The following MYH16 variants were observed in gnomAD, a reference collection of about 807,000 sequenced individuals.
MYH16 encodes putative uncharacterized protein MYH16.
chr7:99,253,560 C>G (rs929265171), intron 7 of MYH16: 1 of 151,888 alleles, frequency 6.6e-6, no homozygotes, highest in Admixed American at 6.6e-5. Context: ...GGACTCCCCC[C>G]GTGGCAGTCA....
intron 19 of MYH16, among the ~76,000 whole-genome samples, chr7:99,272,970 G>T (rs1280864460): frequency 6.6e-6 from 1 of 152,218 alleles, no homozygotes; most frequent in Non-Finnish European, 1.5e-5. Flanking sequence ...GAGTGAAGCT[G>T]CAGGGAACAA....
chr7:99,283,111 G>C (rs144825874), intron 23 of MYH16, among the ~76,000 whole-genome samples: 1 of 152,202 alleles, frequency 6.6e-6, no homozygotes, highest in African/African-American at 2.4e-5. Context: ...ATGCCCCCTG[G>C]GGAACCAGAG....
intron 32 of MYH16, among the ~76,000 whole-genome samples, chr7:99,293,737 T>G (rs1792427083): frequency 6.6e-6 from 1 of 152,204 alleles, no homozygotes. Flanking sequence ...GAACAAACAT[T>G]TCGTTTGTTA....
intron 21 of MYH16, among the ~76,000 whole-genome samples, chr7:99,277,993 G>C (rs1390369285): frequency 6.6e-6 from 1 of 151,426 alleles, no homozygotes; most frequent in Non-Finnish European, 1.5e-5. Flanking sequence ...TGGTCTTGCT[G>C]TGTTGCCCAG....
intron 31 of MYH16, 27 bp from the exon 13 acceptor site, chr7:99,292,285 G>A (rs1273513636): frequency 8.9e-6 from 4 of 450,636 alleles, no homozygotes; most frequent in Non-Finnish European, 1.3e-5. Context: ...AAGCCCCCAC[G>A]GGCGCCTGAC....
intron 33 of MYH16, 150 bp from the exon 15 acceptor site, chr7:99,296,551 T>C (rs1281932213): frequency 5.3e-6 from 2 of 375,070 alleles, no homozygotes; most frequent in South Asian, 3.9e-5. Context: ...GCTTCTGCCA[T>C]AGCTGTTGAA....
intron 12 of MYH16, chr7:99,261,231 C>T (rs560294936): frequency 5.9e-5 from 9 of 152,310 alleles, no homozygotes; most frequent in Middle Eastern, 3.4e-3. Context: ...CTGTTGGACT[C>T]GATGATTTCA....
At chr7:99,286,529 C>G (rs1452365424) in intron 28 of MYH16, 1 of 152,518 alleles carries the variant, frequency 6.6e-6, no homozygotes, top group East Asian at 1.9e-4. Flanking sequence ...GCTCAGGCAC[C>G]CATCCCAGGG....
chr7:99,264,706 G>A (rs980769463), intron 15 of MYH16, among the ~76,000 whole-genome samples: 1 of 152,102 alleles, frequency 6.6e-6, no homozygotes, highest in African/African-American at 2.4e-5. Flanking sequence ...AGGCAGAGTG[G>A]GTCACCTCAT....
intron 23 of MYH16, among the ~76,000 whole-genome samples, chr7:99,282,823 C>T (rs116113689): frequency 0.019 from 2,429 of 128,174 alleles, 70 homozygotes; most frequent in African/African-American, 0.1. Flanking sequence ...GAGGAAGATC[C>T]TATCTCAAAA....
rs186026694 is a variant in MYH16 at position 99,280,097 on chromosome 7, G to A, written n.2887+360G>A. On this transcript the variant is annotated intron_variant and non_coding_transcript_variant, in intron 22 of 41. Coordinates refer to ENST00000439784, the Ensembl canonical transcript of MYH16. ...CATGTTGGCCAGACTGGTCTTGAAC[G>A]CCTCACCTCAGGTGATCTGCCTGTC... Among the ~76,000 whole-genome samples the A allele has an allele frequency of 3.4e-3, 524 of 152,202 alleles. 2 individuals carry two copies. The highest frequency in any genetic ancestry group is 6.1e-3 in the Non-Finnish European group (413 of 68,010).
At chr7:99,250,579 A>G (rs955852500) in intron 5 of MYH16, among the ~76,000 whole-genome samples, 3 of 152,180 alleles carry the variant, frequency 2.0e-5, no homozygotes, top group Non-Finnish European at 2.9e-5. Context: ...CATCTCTACA[A>G]AAAACTTTAA....
intron 13 of MYH16, among the ~76,000 whole-genome samples, chr7:99,262,555 A>T (rs1027403600): frequency 3.9e-5 from 6 of 152,226 alleles, no homozygotes; most frequent in Middle Eastern, 3.2e-3. Flanking sequence ...AAGGCCCTAA[A>T]ATAAGGCAGA....
chr7:99,256,761 G>T (rs1465849024), intron 9 of MYH16, among the ~76,000 whole-genome samples: 2 of 152,010 alleles, frequency 1.3e-5, no homozygotes, highest in South Asian at 4.2e-4. Flanking sequence ...GGCGACAGAG[G>T]GAGGACTCCA....
intron 12 of MYH16, chr7:99,260,408 G>A: frequency 1.5e-6 from 1 of 645,288 alleles, no homozygotes; most frequent in Non-Finnish European, 2.7e-6. Context: ...GCAGGGAGGT[G>A]GCACTTGGCT....
intron 11 of MYH16, among the ~76,000 whole-genome samples, chr7:99,259,607 C>T (rs369945122): frequency 8.6e-5 from 13 of 151,778 alleles, no homozygotes; most frequent in African/African-American, 3.1e-4. Context: ...TACAGGCGTG[C>T]GCCACCACGC....
chr7:99,295,613 T>C (rs1014665395), intron 33 of MYH16, among the ~76,000 whole-genome samples: 10 of 152,028 alleles, frequency 6.6e-5, no homozygotes, highest in African/African-American at 2.2e-4. Context: ...TGCAGCCCAA[T>C]ACAAGAACGT....
chr7:99,306,974 C>T (rs1015565878), downstream of MYH16: 2 of 152,586 alleles, frequency 1.3e-5, no homozygotes, highest in African/African-American at 4.8e-5. Context: ...CACCCAGTCT[C>T]ATGCAACAGG....
chr7:99,292,173 A>G, intron 31 of MYH16, 139 bp from the exon 13 acceptor site: 1 of 343,912 alleles, frequency 2.9e-6, no homozygotes, highest in Non-Finnish European at 5.8e-6. Context: ...TAAAACCCCG[A>G]TGGTTTGGAT....
Sources: allele counts gnomAD v4.1 joint callset (sites outside exome capture counted in the v4.1 genomes callset), GRCh38; gene constraint gnomAD v4.1.1; transcripts MANE v1.5; gene names NCBI Gene and HGNC (gene_info 2026-07-23, HGNC 2026-07-21).